RSRC1: variants seen among roughly 807,000 people sequenced by gnomAD.
RSRC1 encodes the protein serine/Arginine-related protein 53.
A neutral mutation model predicts 49.1 loss-of-function variants in RSRC1; 39 were observed. The observed-to-expected ratio is 0.79, with a 90% CI of 0.61 to 1.04. The LOEUF is 1.04. RSRC1 is among the 50% of genes least tolerant of loss of function. RSRC1 has a pLI of 0.00. For missense variants in RSRC1, 388 were observed against 402.4 expected, an observed-to-expected ratio of 0.96 and a Z score of 0.31; for synonymous variants, 143 against 130.8, an observed-to-expected ratio of 1.09 and a Z score of -0.63.
At chr3:158,122,398 T>C (rs1266314880) in intron 2 of RSRC1, 100 bp downstream of exon 2, 13 of 891,682 alleles carry the variant, frequency 1.5e-5, no homozygotes, top group Non-Finnish European at 2.1e-5. Context: ...ATTTTTCTTT[T>C]ACTAGCTATA....
chr3:158,175,859 A>G (rs142844467), intron 3 of RSRC1, among the ~76,000 whole-genome samples: 423 of 152,132 alleles, frequency 2.8e-3, no homozygotes, highest in African/African-American at 9.9e-3. Flanking sequence ...TATTTCATTA[A>G]TTTGATCTTC....
chr3:158,237,497 G>T (rs991736896), intron 4 of RSRC1, among the ~76,000 whole-genome samples: 1 of 152,162 alleles, frequency 6.6e-6, no homozygotes, highest in Non-Finnish European at 1.5e-5. Context: ...CCAACATTTG[G>T]TGTTGTCAGT....
intron 7 of RSRC1, among the ~76,000 whole-genome samples, chr3:158,499,207 C>T (rs368166005): frequency 1.3e-5 from 2 of 152,148 alleles, no homozygotes; most frequent in East Asian, 3.9e-4. Context: ...GAAATCCTGT[C>T]TCTACTAAAA....
At chr3:158,376,018 T>C (rs1190244928) in intron 6 of RSRC1, among the ~76,000 whole-genome samples, 3 of 128,514 alleles carry the variant, frequency 2.3e-5, no homozygotes, top group South Asian at 2.1e-4. Context: ...TTTTTAAGGG[T>C]GAGTCTCCAC....
intron 3 of RSRC1, among the ~76,000 whole-genome samples, chr3:158,197,133 G>C (rs577445072): frequency 2.6e-5 from 4 of 152,244 alleles, no homozygotes; most frequent in South Asian, 4.1e-4. Flanking sequence ...TCTGGTCCTG[G>C]ACTGTTTTTG....
intron 4 of RSRC1, among the ~76,000 whole-genome samples, chr3:158,228,311 G>C (rs1419859926): frequency 6.6e-6 from 1 of 151,958 alleles, no homozygotes; most frequent in Non-Finnish European, 1.5e-5. Context: ...CTTCAGTGAA[G>C]CAATTTCAGG....
chr3:158,178,920 G>A (rs1167104112), intron 3 of RSRC1, among the ~76,000 whole-genome samples: 3 of 152,002 alleles, frequency 2.0e-5, no homozygotes, highest in African/African-American at 7.2e-5. Context: ...ATGGGATTTT[G>A]TCATTTGTTA....
At chr3:158,295,900 C>T (rs1034689784) in intron 4 of RSRC1, among the ~76,000 whole-genome samples, 1 of 151,950 alleles carries the variant, frequency 6.6e-6, no homozygotes, top group South Asian at 2.1e-4. Context: ...GCAAACCTAC[C>T]CTGAAATGAA....
At chr3:158,417,652 C>CT (rs1165222202) in intron 6 of RSRC1, among the ~76,000 whole-genome samples, 1 of 151,848 alleles carries the variant, frequency 6.6e-6, no homozygotes, top group African/African-American at 2.4e-5. Flanking sequence ...TGCCAGGGTG[C>CT]TGTATGTTTA....
intron 1 of RSRC1, among the ~76,000 whole-genome samples, chr3:158,118,462 T>TGTGTGCGCGCGCGC (rs1491469875): frequency 1.2e-4 from 15 of 124,710 alleles, no homozygotes; most frequent in Admixed American, 7.9e-4. Context: ...TGTGTGTGTG[T>TGTGTGCGCGCGCGC]GCGCGTGCGC....
intron 6 of RSRC1, among the ~76,000 whole-genome samples, chr3:158,398,456 G>A (rs1316061534): frequency 6.6e-6 from 1 of 152,130 alleles, no homozygotes; most frequent in Admixed American, 6.6e-5. Context: ...GGGGTTGAAG[G>A]GGTCTAGCTA....
At chr3:158,459,215 A>T (rs1415780509) in intron 6 of RSRC1, among the ~76,000 whole-genome samples, 4 of 152,010 alleles carry the variant, frequency 2.6e-5, no homozygotes, top group Non-Finnish European at 4.4e-5. Context: ...TTTGCAGTTT[A>T]AAAAAAACAT....
chr3:158,254,027 G>C (rs1724384370), intron 4 of RSRC1, among the ~76,000 whole-genome samples: 1 of 152,070 alleles, frequency 6.6e-6, no homozygotes, highest in Middle Eastern at 3.2e-3. Flanking sequence ...TTGGTTTTCT[G>C]TCCTTGTGTT....
rs117057886 is a variant in RSRC1 at position 158,128,691 on chromosome 3, G to A, written c.320+4700G>A. Among the ~76,000 whole-genome samples the A allele has an allele frequency of 4.7e-4, 71 of 152,086 alleles. No individual in the cohort carries two copies. The East Asian group carries it at 0.013, about 27-fold the overall frequency. ...TAAATCTTATCAGTTTTCTCATAAC[G>A]TTCTTTTTCTGCTCCAGGATCCAAT... is the stretch of plus-strand genomic sequence containing the variant. On this transcript the variant is annotated intron_variant, in intron 3 of 9. Coordinates refer to ENST00000611884, the MANE Select transcript of RSRC1 (RefSeq NM_001271838.2).
At chr3:158,381,471 A>G (rs1364789567) in intron 6 of RSRC1, among the ~76,000 whole-genome samples, 1 of 152,220 alleles carries the variant, frequency 6.6e-6, no homozygotes, top group African/African-American at 2.4e-5. Context: ...CAATACCACA[A>G]GGCCATTTAT....
intron 6 of RSRC1, among the ~76,000 whole-genome samples, chr3:158,434,178 A>T (rs1735920940): frequency 6.6e-6 from 1 of 151,998 alleles, no homozygotes; most frequent in Non-Finnish European, 1.5e-5. Context: ...AAATCTTCAT[A>T]TGAGAACTTC....
chr3:158,252,783 G>T (rs7630220), intron 4 of RSRC1, among the ~76,000 whole-genome samples: 4 of 152,014 alleles, frequency 2.6e-5, no homozygotes, highest in Non-Finnish European at 5.9e-5. Flanking sequence ...GTCTATTCAC[G>T]TTTTGTATTT....
rs183847790 is a variant in RSRC1, at chr3:158,438,255, A to G, written c.584-22680A>G. ...ATGGCCACACTGTCCAAGGTAATTT[A>G]TAGATACAATGCCATCCCCATCAAG... is the stretch of plus-strand genomic sequence containing the variant. On this transcript the variant is annotated intron_variant, in intron 6 of 9. Coordinates refer to ENST00000611884, the MANE Select transcript of RSRC1 (RefSeq NM_001271838.2). Among the ~76,000 whole-genome samples, 659 of 152,318 alleles carry G rather than the reference A, an allele frequency of 4.3e-3. 2 individuals carry two copies. The highest frequency in any genetic ancestry group is 5.6e-3 in the Admixed American group (86 of 15,290).
At chr3:158,248,370 A>G (rs1724020647) in intron 4 of RSRC1, among the ~76,000 whole-genome samples, 1 of 152,184 alleles carries the variant, frequency 6.6e-6, no homozygotes, top group South Asian at 2.1e-4. Context: ...ATATATCAGC[A>G]GTTCCTTTGA....
Sources: allele counts gnomAD v4.1 joint callset (sites outside exome capture counted in the v4.1 genomes callset), GRCh38; gene constraint gnomAD v4.1.1; transcripts MANE v1.5; gene names NCBI Gene and HGNC (gene_info 2026-07-23, HGNC 2026-07-21).